The following DUSP22 variants were observed in gnomAD, a reference collection of about 807,000 sequenced individuals.
DUSP22 encodes dual specificity protein phosphatase 22.
DUSP22 carries 24 observed loss-of-function variants against 24.5 expected under a neutral mutation model. That is an observed-to-expected ratio of 0.98 (90% CI 0.71 to 1.38). DUSP22 has a LOEUF of 1.38. Ranked by LOEUF, DUSP22 falls within the 40% of genes most tolerant of loss-of-function variation. DUSP22 has a pLI of 0.00. For synonymous variants in DUSP22, 160 were observed against 106.4 expected (o/e 1.50, Z -3.10); for missense variants, 330 against 269.2 (o/e 1.23, Z -1.58).
At chr6:301,833 C>G (rs1260597078) in intron 1 of DUSP22, among the ~76,000 whole-genome samples, 1 of 152,292 alleles carries the variant, frequency 6.6e-6, no homozygotes, top group Non-Finnish European at 1.5e-5. Flanking sequence ...AAGCCGGGCT[C>G]CAGACGATGA....
At chr6:345,220 C>T (rs1369529890) in intron 4 of DUSP22, among the ~76,000 whole-genome samples, 10 of 134,404 alleles carry the variant, frequency 7.4e-5, no homozygotes, top group Admixed American at 4.2e-4. Context: ...ATTCTGGTTT[C>T]TTTCTTTTTT....
chr6:326,013 C>T (rs1758853656), intron 3 of DUSP22: 3 of 227,454 alleles, frequency 1.3e-5, no homozygotes, highest in South Asian at 5.1e-5. Context: ...GAGTCATCTG[C>T]CCTGGGCTTC....
chr6:321,802 A>G (rs1433209637), intron 3 of DUSP22, among the ~76,000 whole-genome samples: 2 of 152,308 alleles, frequency 1.3e-5, no homozygotes, highest in African/African-American at 4.8e-5. Flanking sequence ...AAAATACAGA[A>G]AGAGAGTCAT....
At chr6:320,285 C>T (rs1758528660) in intron 3 of DUSP22, 1 of 152,888 alleles carries the variant, frequency 6.5e-6, no homozygotes, top group Admixed American at 6.5e-5. Context: ...GACACTCTTC[C>T]TAGATGTTGC....
Position 349,526 on chromosome 6 carries a change from G to T in DUSP22, c.*575G>T, listed in dbSNP as rs1425078763. The T allele has an allele frequency of 2.0e-6, 2 of 992,326 alleles. No individual in the cohort carries two copies. Among genetic ancestry groups the T allele is most frequent in the African/African-American group, 1.7e-5 (1 of 57,366 alleles). The allele number at this position is 992,326 out of a possible 1,614,324, so 61.5% of individuals were successfully genotyped here. The stretch of plus-strand genomic sequence containing the variant: ...ACCGTGAGAACTCAGGGGACGAGTG[G>T]CTAAGAGCATGGCCTCTCCCAGAAC... On this transcript the variant is annotated 3_prime_UTR_variant, in exon 7 of 7. Transcript: ENST00000419235.
intron 4 of DUSP22, 48 bp downstream of exon 4, chr6:335,211 T>C (rs760496659): frequency 1.9e-6 from 3 of 1,596,492 alleles, no homozygotes; most frequent in Non-Finnish European, 2.6e-6. Flanking sequence ...AAAAAATGAA[T>C]AGAGGATGGT....
intron 3 of DUSP22, among the ~76,000 whole-genome samples, chr6:318,490 C>G (rs779412245): frequency 1.3e-5 from 2 of 152,312 alleles, no homozygotes; most frequent in Non-Finnish European, 2.9e-5. Context: ...CACCTCCAGC[C>G]CTACCTTTTC....
intron 3 of DUSP22, among the ~76,000 whole-genome samples, chr6:324,978 C>G (rs1758787674): frequency 6.6e-6 from 1 of 152,308 alleles, no homozygotes; most frequent in Non-Finnish European, 1.5e-5. Flanking sequence ...GCTGCCGCAT[C>G]CTGCCGGGAA....
In DUSP22 at chr6:350,438, C is replaced by G; in HGVS notation, c.*1487C>G. The G allele has an allele frequency of 8.9e-7, 1 of 1,125,158 alleles. No individual in the cohort carries two copies. The highest frequency in any genetic ancestry group is 1.1e-6 in the Non-Finnish European group (1 of 915,854). The allele number at this position is 1,125,158 out of a possible 1,614,324, so 69.7% of individuals were successfully genotyped here. On this transcript the variant is annotated 3_prime_UTR_variant, in exon 7 of 7. Transcript: ENST00000419235. ...CCTCTCCCTAAAAAGATGTTGCAACCCAGTTTCTCTGAATTCCACCACAAA... is the reference window on the plus strand; with the variant it reads ...CCTCTCCCTAAAAAGATGTTGCAACGCAGTTTCTCTGAATTCCACCACAAA...
At chr6:321,873 T>A (rs1758605196) in intron 3 of DUSP22, among the ~76,000 whole-genome samples, 1 of 152,258 alleles carries the variant, frequency 6.6e-6, no homozygotes, top group African/African-American at 2.4e-5. Context: ...TAAGTACCCA[T>A]GGCTCTGCCA....
chr6:318,788 A>G (rs891399067), intron 3 of DUSP22, among the ~76,000 whole-genome samples: 1 of 152,424 alleles, frequency 6.6e-6, no homozygotes, highest in East Asian at 1.9e-4. Context: ...AATGGCAACA[A>G]ATTGGAGCCA....
chr6:293,652 G>A (rs909952139), intron 1 of DUSP22, among the ~76,000 whole-genome samples: 2 of 152,282 alleles, frequency 1.3e-5, no homozygotes, highest in African/African-American at 4.8e-5. Context: ...GCGGATTCAC[G>A]GTAGGGCAGG....
intron 1 of DUSP22, among the ~76,000 whole-genome samples, chr6:300,547 A>G (rs1457627632): frequency 2.0e-5 from 3 of 152,308 alleles, no homozygotes; most frequent in Non-Finnish European, 4.4e-5. Context: ...AGAGGAGCAC[A>G]TGAGTGGGAG....
At chr6:323,353 T>C (rs1461965044) in intron 3 of DUSP22, among the ~76,000 whole-genome samples, 1 of 152,304 alleles carries the variant, frequency 6.6e-6, no homozygotes, top group East Asian at 1.9e-4. Flanking sequence ...GCGTCAAGTT[T>C]CAGCATTCAT....
intron 5 of DUSP22, among the ~76,000 whole-genome samples, chr6:347,287 AT>A (rs1759929737): frequency 6.6e-6 from 1 of 152,308 alleles, no homozygotes; most frequent in Non-Finnish European, 1.5e-5. Flanking sequence ...TATTGTTTAT[AT>A]TTGAATATGT....
intron 3 of DUSP22, among the ~76,000 whole-genome samples, chr6:330,307 C>T (rs1759085865): frequency 6.6e-6 from 1 of 152,302 alleles, no homozygotes; most frequent in Admixed American, 6.5e-5. Flanking sequence ...GAGGCTCCTG[C>T]AGGGATCCAG....
chr6:339,940 G>C (rs1481162545), intron 4 of DUSP22, among the ~76,000 whole-genome samples: 2 of 152,308 alleles, frequency 1.3e-5, no homozygotes, highest in African/African-American at 4.8e-5. Flanking sequence ...TGAGGGCTCT[G>C]CCAGCCCATA....
intron 4 of DUSP22, among the ~76,000 whole-genome samples, chr6:335,470 T>C (rs550904310): frequency 3.1e-3 from 473 of 152,190 alleles, no homozygotes; most frequent in African/African-American, 0.011. Flanking sequence ...CCTCTAGAAA[T>C]AAAACCGTGA....
intron 1 of DUSP22, among the ~76,000 whole-genome samples, chr6:297,745 C>T (rs1461570696): frequency 6.6e-6 from 1 of 152,306 alleles, no homozygotes; most frequent in Non-Finnish European, 1.5e-5. Flanking sequence ...GGAGAGTTAT[C>T]AAAAGGTGGA....
Sources: allele counts gnomAD v4.1 joint callset (sites outside exome capture counted in the v4.1 genomes callset), GRCh38; gene constraint gnomAD v4.1.1; transcripts MANE v1.5; gene names NCBI Gene and HGNC (gene_info 2026-07-23, HGNC 2026-07-21).